The following RPS6KA3 variants were observed in gnomAD, a reference collection of about 807,000 sequenced individuals.
RPS6KA3 encodes ribosomal protein S6 kinase A3.
A neutral mutation model predicts 67.2 loss-of-function variants in RPS6KA3; 4 were observed. The observed-to-expected ratio is 0.06, with a 90% confidence interval of 0.03 to 0.14. RPS6KA3 has a LOEUF of 0.14. RPS6KA3 is among the 10% of genes least tolerant of loss of function. The pLI is 1.00. For missense variants in RPS6KA3, 204 were observed against 559.0 expected (o/e 0.36, Z 6.40); for synonymous variants, 182 against 183.7 (o/e 0.99, Z 0.07).
At chrX:20,167,808 T>C in intron 16 of RPS6KA3, 61 bp from the exon 17 acceptor site, 3 of 743,480 alleles carry the variant, frequency 4.0e-6, no homozygotes, top group Non-Finnish European at 6.2e-6. Context: ...CAAAACGAAG[T>C]TTAAAATATA....
At position 20,175,272 on chromosome X, in the gene RPS6KA3, T is replaced by C. The variant is rs751265651; in HGVS notation, c.1119A>G (p.Pro373=). The change falls in exon 14 of 22, where the codon CCA becomes CCG. Residue 373 remains proline, a synonymous_variant. Coordinates refer to ENST00000379565, the MANE Select transcript of RPS6KA3 (RefSeq NM_004586.3). ...AAAGCTGATGTGCATTAGCACTAGG[T>C]GGAATGCCAGGTGAATCTGAAAAGA... The part of the protein sequence containing the change: ...AKTPKDSPGI[P]PSANAHQLFR... 7 of 1,208,374 alleles carry C rather than the reference T, an allele frequency of 5.8e-6. No homozygotes were observed. In the South Asian group the frequency reaches 1.2e-4, roughly 21 times the overall value.
intron 1 of RPS6KA3, among the ~76,000 whole-genome samples, chrX:20,254,096 GA>G (rs910893363): frequency 1.2e-4 from 13 of 111,891 alleles, no homozygotes; most frequent in African/African-American, 4.2e-4. Context: ...GAACTTGAAG[GA>G]AAAGAGGCAA....
At chrX:20,234,676 T>C in intron 2 of RPS6KA3, 82 bp downstream of exon 2, 1 of 702,316 alleles carries the variant, frequency 1.4e-6, no homozygotes. Flanking sequence ...TGTAAAATGA[T>C]TACTCTGCTC....
intron 10 of RPS6KA3, among the ~76,000 whole-genome samples, chrX:20,184,852 G>T (rs1014741202): frequency 2.7e-5 from 3 of 111,568 alleles, no homozygotes; most frequent in Non-Finnish European, 5.7e-5. Flanking sequence ...AAATTTTCTG[G>T]TTTTTTTGCA....
intron 4 of RPS6KA3, among the ~76,000 whole-genome samples, chrX:20,200,415 T>C (rs1436208296): frequency 8.9e-6 from 1 of 112,384 alleles, no homozygotes; most frequent in Non-Finnish European, 1.9e-5. Context: ...AGCTATGTTA[T>C]ATGATAAGAC....
intron 10 of RPS6KA3, among the ~76,000 whole-genome samples, chrX:20,183,089 T>C (rs757799687): frequency 6.3e-5 from 7 of 111,559 alleles, no homozygotes; most frequent in Admixed American, 9.6e-5. Context: ...GATCCCTAAG[T>C]CTCTTGCCCA....
intron 2 of RPS6KA3, among the ~76,000 whole-genome samples, chrX:20,211,551 A>C (rs1401373038): frequency 4.9e-4 from 50 of 101,873 alleles, no homozygotes; most frequent in Non-Finnish European, 9.1e-4. Context: ...AAAAAAAAAC[A>C]AAAAAAAAAA....
At chrX:20,258,859 G>T (rs1603433027) in intron 1 of RPS6KA3, among the ~76,000 whole-genome samples, 1 of 111,812 alleles carries the variant, frequency 8.9e-6, no homozygotes, top group Non-Finnish European at 1.9e-5. Context: ...CAACAGAAAA[G>T]GACTCACAAT....
At chrX:20,216,221 G>A (rs562312932) in intron 2 of RPS6KA3, among the ~76,000 whole-genome samples, 3 of 111,690 alleles carry the variant, frequency 2.7e-5, no homozygotes, top group African/African-American at 9.8e-5. Context: ...AAGTCTGACT[G>A]TGGGCAAAAT....
chrX:20,207,746 C>T lies in RPS6KA3; in HGVS notation c.243+1542G>A, dbSNP rs1011642586. ...CTAGAGCCCAAACTTACAACCATTA[C>T]GCTCTGATGGCTACTTACTCTTTAT... On this transcript the variant is annotated intron_variant, in intron 3 of 21. Transcript: ENST00000379565. Among the ~76,000 whole-genome samples the T allele has an allele frequency of 7.2e-5, 8 of 111,881 alleles. No individual in the cohort carries two copies. In the South Asian group the frequency reaches 1.1e-3, roughly 16 times the overall value.
intron 1 of RPS6KA3, among the ~76,000 whole-genome samples, chrX:20,242,336 GATAT>G (rs1446310567): frequency 8.9e-6 from 1 of 111,767 alleles, no homozygotes; most frequent in African/African-American, 3.2e-5. Context: ...ACCAAGAATA[GATAT>G]TACAGTTCGA....
chrX:20,246,597 T>G (rs746643797), intron 1 of RPS6KA3, among the ~76,000 whole-genome samples: 1 of 111,753 alleles, frequency 8.9e-6, no homozygotes. Context: ...AGATACACCA[T>G]TATGCTGGGC....
chrX:20,161,940 T>C (rs1289966848), intron 19 of RPS6KA3, among the ~76,000 whole-genome samples, 179 bp from the exon 20 acceptor site: 1 of 109,402 alleles, frequency 9.1e-6, no homozygotes, highest in African/African-American at 3.3e-5. Flanking sequence ...ATATTAATTA[T>C]ATTTAATATA....
At chrX:20,225,992 C>A (rs772762288) in intron 2 of RPS6KA3, among the ~76,000 whole-genome samples, 1 of 110,362 alleles carries the variant, frequency 9.1e-6, no homozygotes, top group Non-Finnish European at 1.9e-5. Context: ...TTGAGACCAG[C>A]CTGACCAACA....
At chrX:20,215,845 CAT>C (rs1170889947) in intron 2 of RPS6KA3, among the ~76,000 whole-genome samples, 1 of 112,358 alleles carries the variant, frequency 8.9e-6, no homozygotes, top group East Asian at 2.8e-4. Context: ...ATGTGACAAA[CAT>C]ATCTTATGTC....
chrX:20,167,708 G>T lies in RPS6KA3; in HGVS notation c.1483C>A (p.Leu495Ile), dbSNP rs937495958. 6 of 1,178,682 alleles carry T rather than the reference G, an allele frequency of 5.1e-6. No homozygotes were observed. Among genetic ancestry groups the T allele is most frequent in the Middle Eastern group, 2.3e-4 (1 of 4,285 alleles). Residue 495 changes from leucine to isoleucine, a missense_variant, in exon 17 of 22, where the codon CTT (leucine) becomes ATT (isoleucine). This residue lies in a region of RPS6KA3 where 73 missense variants were observed against 241.1 expected (regional missense o/e 0.30). Coordinates refer to ENST00000379565, the MANE Select transcript of RPS6KA3 (RefSeq NM_004586.3). ...TCCAGCAATTCACCTCCTTTCATAA[G>T]TTCTGTTACTACATACACATACTTT... ...DGKYVYVVTE[L>I]MKGGELLDKI...
intron 4 of RPS6KA3, among the ~76,000 whole-genome samples, chrX:20,201,642 CATTA>C (rs2068436399): frequency 9.0e-6 from 1 of 110,996 alleles, no homozygotes; most frequent in East Asian, 2.8e-4. Context: ...CCTTTTCCCC[CATTA>C]ATTAACTTAT....
chrX:20,234,871 T>C (rs1416379670), intron 1 of RPS6KA3, 57 bp from the exon 2 acceptor site: 21 of 946,427 alleles, frequency 2.2e-5, no homozygotes, highest in Non-Finnish European at 2.9e-5. Context: ...TCAGTTAAAG[T>C]TAAATGAAGG....
chrX:20,218,567 CAAAA>C (rs756693580), intron 2 of RPS6KA3, among the ~76,000 whole-genome samples: 3 of 110,603 alleles, frequency 2.7e-5, no homozygotes, highest in African/African-American at 3.3e-5. Context: ...AAAACAAAAA[CAAAA>C]AAACAACGTA....
Sources: gnomAD v4.1 joint callset for allele counts (sites outside exome capture counted in the v4.1 genomes callset) on GRCh38, gnomAD v4.1.1 for gene constraint, gnomAD v4.1.1 regional missense constraint, MANE v1.5 for transcripts, NCBI Gene and HGNC (gene_info 2026-07-23, HGNC 2026-07-21) for gene names.